SCIN: variants seen among roughly 807,000 people sequenced by gnomAD.
SCIN encodes scinderin, also known as adseverin.
In SCIN, 91 loss-of-function variants were observed where a neutral mutation model predicts 91.8. The ratio of observed to expected loss-of-function variants is 0.99; its 90% confidence interval spans 0.84 to 1.18. The LOEUF is 1.18. Ranked by LOEUF, SCIN falls within the 50% of genes most tolerant of loss-of-function variation. The pLI, the probability that SCIN is intolerant of heterozygous loss-of-function variation, is 0.00. For missense variants in SCIN, 1,087 were observed against 863.9 expected, an observed-to-expected ratio of 1.26 and a Z score of -3.24; for synonymous variants, 367 against 312.6, an observed-to-expected ratio of 1.17 and a Z score of -1.84.
intron 3 of SCIN, among the ~76,000 whole-genome samples, chr7:12,603,122 G>A (rs1583292611): frequency 1.3e-5 from 2 of 152,084 alleles, no homozygotes; most frequent in South Asian, 2.1e-4. Context: ...TCCTATAAAT[G>A]GAATTTCTTG....
chr7:12,616,684 C>T (rs1243994120), intron 4 of SCIN, among the ~76,000 whole-genome samples: 1 of 152,038 alleles, frequency 6.6e-6, no homozygotes, highest in Admixed American at 6.6e-5. Context: ...ATAAACCTTA[C>T]ATAACAGATA....
At chr7:12,636,778 C>T (rs897675694) in intron 10 of SCIN, among the ~76,000 whole-genome samples, 1 of 152,052 alleles carries the variant, frequency 6.6e-6, no homozygotes, top group Non-Finnish European at 1.5e-5. Context: ...ATTGCTAGAA[C>T]GAGGATATCG....
In SCIN at chr7:12,636,111, G is replaced by A; in HGVS notation, c.1386G>A (p.Arg462=). The change falls in exon 10 of 16, where the codon CGG becomes CGA. Residue 462 remains arginine, a synonymous_variant. Transcript: ENST00000297029. ...CGTTCCTGACTGTTCAGTTGGATCG[G>A]TCCCTTGGAGGACAGGCTGTGCAGG... is the stretch of plus-strand genomic sequence containing the variant. ...TSAFLTVQLD[R]SLGGQAVQIR... is the part of the protein sequence containing the mutation. 1 of 1,612,834 alleles carries A rather than the reference G, an allele frequency of 6.2e-7. No homozygotes were observed. The highest frequency in any genetic ancestry group is 2.2e-5 in the East Asian group (1 of 44,822).
rs989604258 is a variant in SCIN at position 12,639,773 on chromosome 7, C to G, written c.1411-574C>G. Among the ~76,000 whole-genome samples the G allele has an allele frequency of 3.2e-4, 49 of 151,744 alleles. 1 individual carries two copies. Among genetic ancestry groups the G allele is most frequent in the Non-Finnish European group, 5.6e-4 (38 of 67,960 alleles). On this transcript the variant is annotated intron_variant, in intron 10 of 15. Coordinates refer to ENST00000297029, the MANE Select transcript of SCIN (RefSeq NM_001112706.3). ...AGAAAACATATTCTGTTTATTTTTG[C>G]CCATTTTTAGTGCTTGCATAGCAAT... is the stretch of plus-strand genomic sequence containing the variant.
At chr7:12,587,756 C>T (rs1782619702) in intron 3 of SCIN, among the ~76,000 whole-genome samples, 1 of 152,178 alleles carries the variant, frequency 6.6e-6, no homozygotes, top group Non-Finnish European at 1.5e-5. Context: ...GGGAAGTGTG[C>T]TGGGCTCTTC....
intron 1 of SCIN, among the ~76,000 whole-genome samples, chr7:12,573,711 C>A (rs1782313538): frequency 6.6e-6 from 1 of 152,170 alleles, no homozygotes; most frequent in Non-Finnish European, 1.5e-5. Flanking sequence ...AAACTGCTCC[C>A]TGTCACATCC....
intron 3 of SCIN, among the ~76,000 whole-genome samples, 152 bp downstream of exon 3, chr7:12,581,373 G>T (rs1426511065): frequency 6.6e-6 from 1 of 152,180 alleles, no homozygotes; most frequent in East Asian, 1.9e-4. Flanking sequence ...GTATTTAAAT[G>T]ACGCATGAAG....
chr7:12,658,286 A>G lies in SCIN; in HGVS notation c.*5571A>G, dbSNP rs9639139. On this transcript the variant is annotated 3_prime_UTR_variant, in exon 16 of 16. Transcript: ENST00000297029. ...TATATTTTGCCAGATCTCACCTCCC[A>G]GGGAACTGATGAGCTTTAACTGGAA... The G allele has an allele frequency of 0.77, 116,374 of 152,086 alleles. 45,443 individuals carry two copies. Among genetic ancestry groups the G allele is most frequent in the African/African-American group, 0.91 (37,755 of 41,494 alleles). The allele number at this position is 152,086 out of a possible 1,614,324, so 9.4% of individuals were successfully genotyped here.
At position 12,625,131 on chromosome 7, in the gene SCIN, T is replaced by C; in HGVS notation, c.881T>C (p.Phe294Ser). 6.2e-7 allele frequency: 1 copy of C among 1,609,240 alleles called. No homozygotes were observed. The highest frequency in any genetic ancestry group is 8.5e-7 in the Non-Finnish European group (1 of 1,178,026). Residue 294 changes from phenylalanine to serine, a missense_variant, in exon 6 of 16, where the codon TTC (phenylalanine) becomes TCC (serine). By Grantham distance (155) the Phe-to-Ser change is radical. Transcript: ENST00000297029. ...GACCACGGGGCTGCCAAACAAATTT[T>C]CGTATGGAAAGGTAAAAAATTCCAT... is the stretch of plus-strand genomic sequence containing the variant. Reference protein sequence around the residue: ...ILDHGAAKQIFVWKGKDANPQ... With the variant: ...ILDHGAAKQISVWKGKDANPQ...
intron 3 of SCIN, among the ~76,000 whole-genome samples, chr7:12,596,846 C>G (rs1182749518): frequency 6.6e-6 from 1 of 152,190 alleles, no homozygotes; most frequent in Non-Finnish European, 1.5e-5. Flanking sequence ...AAGTCATTTT[C>G]CTTTTCCCTG....
intron 3 of SCIN, among the ~76,000 whole-genome samples, chr7:12,601,612 C>T (rs1782959698): frequency 6.6e-6 from 1 of 151,914 alleles, no homozygotes; most frequent in African/African-American, 2.4e-5. Context: ...TCTCTGTATC[C>T]CCAGCATAAT....
intron 3 of SCIN, among the ~76,000 whole-genome samples, chr7:12,587,949 A>G (rs1281895669): frequency 2.0e-5 from 3 of 152,190 alleles, no homozygotes; most frequent in African/African-American, 7.2e-5. Context: ...AGCTTTCGAA[A>G]CAGCATCCTC....
chr7:12,648,032 C>T (rs1784000460), intron 13 of SCIN, among the ~76,000 whole-genome samples: 1 of 151,982 alleles, frequency 6.6e-6, no homozygotes, highest in Non-Finnish European at 1.5e-5. Flanking sequence ...CAAACTCCTG[C>T]GTAAGGATCA....
rs1784202528 is a variant in SCIN at position 12,657,987 on chromosome 7, A to G, written c.*5272A>G. 6.6e-6 allele frequency: 1 copy of G among 152,148 alleles called. No homozygotes were observed. Among genetic ancestry groups the G allele is most frequent in the South Asian group, 2.1e-4 (1 of 4,820 alleles). The allele number at this position is 152,148 out of a possible 1,614,324, so 9.4% of individuals were successfully genotyped here. On this transcript the variant is annotated 3_prime_UTR_variant, in exon 16 of 16. Coordinates refer to ENST00000297029, the MANE Select transcript of SCIN (RefSeq NM_001112706.3). ...ATTTAGAGAGATTATTTTTGATGTT[A>G]TTATAATAAAAATGACACCTTTACT...
At chr7:12,580,293 A>G (rs1222089678) in intron 2 of SCIN, among the ~76,000 whole-genome samples, 1 of 149,992 alleles carries the variant, frequency 6.7e-6, no homozygotes, top group Non-Finnish European at 1.5e-5. Context: ...TTAATTAGAA[A>G]AAATGAAAAG....
At chr7:12,636,778 C>G (rs897675694) in intron 10 of SCIN, among the ~76,000 whole-genome samples, 1 of 152,052 alleles carries the variant, frequency 6.6e-6, no homozygotes, top group Non-Finnish European at 1.5e-5. Flanking sequence ...ATTGCTAGAA[C>G]GAGGATATCG....
chr7:12,607,161 G>T (rs1263257729), intron 4 of SCIN, among the ~76,000 whole-genome samples: 1 of 152,168 alleles, frequency 6.6e-6, no homozygotes, highest in Non-Finnish European at 1.5e-5. Flanking sequence ...TTGGCCCAAA[G>T]CAAGTCTCCT....
At chr7:12,599,526 A>G (rs849771) in intron 3 of SCIN, among the ~76,000 whole-genome samples, 132,546 of 152,076 alleles carry the variant, frequency 0.87, 58,093 homozygotes, top group East Asian at 1. Context: ...TTTCTTCTGG[A>G]TAGATACCTA....
chr7:12,629,042 G>T, intron 8 of SCIN, 59 bp from the exon 9 acceptor site: 1 of 1,385,514 alleles, frequency 7.2e-7, no homozygotes, highest in Non-Finnish European at 9.7e-7. Context: ...TAAAGCTTAT[G>T]AGAAATATTA....
Sources: allele counts gnomAD v4.1 joint callset (sites outside exome capture counted in the v4.1 genomes callset), GRCh38; gene constraint gnomAD v4.1.1; transcripts MANE v1.5; gene names NCBI Gene and HGNC (gene_info 2026-07-23, HGNC 2026-07-21).